The following SGSM2 variants were observed in gnomAD, a reference collection of about 807,000 sequenced individuals.
The protein encoded by SGSM2 is RUN and TBC1 domain containing 1.
A neutral mutation model predicts 126.6 loss-of-function variants in SGSM2; 89 were observed. The ratio of observed to expected loss-of-function variants is 0.70; its 90% CI spans 0.59 to 0.84. SGSM2 has a LOEUF of 0.84. Ranked by LOEUF, SGSM2 falls within the 40% of genes least tolerant of loss-of-function variation. The pLI, the probability that SGSM2 is intolerant of heterozygous loss-of-function variation, is 0.00. For missense variants in SGSM2, 1,404 were observed against 1,416.6 expected (o/e 0.99, Z 0.14); for synonymous variants, 614 against 574.3 (o/e 1.07, Z -0.99).
intron 1 of SGSM2, among the ~76,000 whole-genome samples, chr17:2,339,007 C>T (rs748324032): frequency 2.7e-5 from 4 of 150,206 alleles, no homozygotes; most frequent in South Asian, 2.1e-4. Context: ...TGCAGTGAGC[C>T]GATATTGTGC....
Position 2,365,350 on chromosome 17 carries a change from C to A in SGSM2, c.1288+9C>A. 2 of 1,534,372 alleles carry A rather than the reference C, an allele frequency of 1.3e-6. No individual in the cohort carries two copies. Among genetic ancestry groups the A allele is most frequent in the South Asian group, 1.2e-5 (1 of 82,312 alleles). On this transcript the variant is annotated intron_variant, in intron 11 of 23. Coordinates refer to ENST00000268989, the MANE Select transcript of SGSM2 (RefSeq NM_014853.3). ...CCACAGGCACGAGCACAGTGAGTGT[C>A]CCGAGCTTCATCCCGGGGGAGGAGA...
rs1434907938 is a variant in SGSM2, at chr17:2,368,258, A to G, written c.1423+853A>G. On this transcript the variant is annotated intron_variant, in intron 12 of 23. Coordinates refer to ENST00000268989, the MANE Select transcript of SGSM2 (RefSeq NM_014853.3). ...GCCTACCACCCATCTTTCCTAGCAC[A>G]GAGCTGGCTTGGTAGAGAGGGAGCC... Among the ~76,000 whole-genome samples, 3 of 152,134 alleles carry G rather than the reference A, an allele frequency of 2.0e-5. No homozygotes were observed. In the East Asian group the frequency reaches 5.8e-4, roughly 29 times the overall value.
chr17:2,337,547 C>T lies in SGSM2; in HGVS notation c.-142C>T. 1 of 288,206 alleles carries T rather than the reference C, an allele frequency of 3.5e-6. No individual in the cohort carries two copies. The highest frequency in any genetic ancestry group is 5.4e-6 in the Non-Finnish European group (1 of 185,100). 17.9% of individuals were successfully genotyped at this position (288,206 alleles called of 1,614,324 possible). ...TGCGGAGCCGAGCACCGGGCAGTGG[C>T]TGCGGCGGCGGCGGCGGCGGCGGGC... On this transcript the variant is annotated 5_prime_UTR_variant, in exon 1 of 24. Transcript: ENST00000268989. The surrounding 1 kb of genome is among the most constrained non-coding windows in gnomAD (Gnocchi z 5.1).
Position 2,380,338 on chromosome 17 carries a change from T to C in SGSM2, c.*818T>C. 6.5e-7 allele frequency: 1 copy of C among 1,528,814 alleles called. No homozygotes were observed. Among genetic ancestry groups the C allele is most frequent in the Non-Finnish European group, 8.8e-7 (1 of 1,140,520 alleles). The allele number at this position is 1,528,814 out of a possible 1,614,324, so 94.7% of individuals were successfully genotyped here. A position where few individuals can be genotyped will look rare whatever the true frequency, so the allele number is the denominator to read the frequency against. On this transcript the variant is annotated 3_prime_UTR_variant, in exon 24 of 24. Transcript: ENST00000268989. ...TGATCTGGAATGCGACCGGAGCACT[T>C]GCTCTGAGGAATCCCAGGGTGACTC...
chr17:2,377,483 C>CAAAAA, intron 21 of SGSM2: 1 of 111,092 alleles, frequency 9.0e-6, no homozygotes, highest in Non-Finnish European at 1.8e-5. Context: ...GACTCTGTCT[C>CAAAAA]AAAAAAAAAA....
At chr17:2,353,947 C>T (rs1055030410) in intron 2 of SGSM2, among the ~76,000 whole-genome samples, 1 of 152,072 alleles carries the variant, frequency 6.6e-6, no homozygotes, top group African/African-American at 2.4e-5. Context: ...TTCATTCTGT[C>T]ACCCAGGCTG....
Position 2,380,904 on chromosome 17 carries a change from C to T in SGSM2, c.*1384C>T, listed in dbSNP as rs1394030123. ...CCACCCCATTGTCCATCCTTGTTGT[C>T]CGTGAGTCCTTGGCCTCCACCAAGC... On this transcript the variant is annotated 3_prime_UTR_variant, in exon 24 of 24. Transcript: ENST00000268989. The T allele has an allele frequency of 6.4e-6, 1 of 157,284 alleles. No homozygotes were observed. Among genetic ancestry groups the T allele is most frequent in the African/African-American group, 2.4e-5 (1 of 41,500 alleles). 9.7% of individuals were successfully genotyped at this position (157,284 alleles called of 1,614,324 possible).
intron 1 of SGSM2, among the ~76,000 whole-genome samples, chr17:2,341,141 T>C (rs953830670): frequency 6.6e-6 from 1 of 152,036 alleles, no homozygotes; most frequent in Non-Finnish European, 1.5e-5. Flanking sequence ...TGTTTGTTTT[T>C]TTGAGATAGA....
chr17:2,355,433 A>C (rs77174561), intron 2 of SGSM2, among the ~76,000 whole-genome samples: 35 of 5,670 alleles, frequency 6.2e-3, no homozygotes, highest in Admixed American at 0.016. Context: ...GGGGTGTAAG[A>C]GTTGGGGGAA....
At chr17:2,338,367 C>A (rs2064183895) in intron 1 of SGSM2, among the ~76,000 whole-genome samples, 1 of 152,176 alleles carries the variant, frequency 6.6e-6, no homozygotes, top group Non-Finnish European at 1.5e-5. Flanking sequence ...CCCCCTACTT[C>A]AGAAAGAGAA....
At chr17:2,340,681 T>C (rs1429330881) in intron 1 of SGSM2, among the ~76,000 whole-genome samples, 4 of 151,868 alleles carry the variant, frequency 2.6e-5, no homozygotes, top group Non-Finnish European at 4.4e-5. Context: ...GCCTCCCGGG[T>C]TCACGCCTTT....
At chr17:2,357,079 T>G in intron 2 of SGSM2, among the ~76,000 whole-genome samples, 1 of 152,070 alleles carries the variant, frequency 6.6e-6, no homozygotes, top group South Asian at 2.1e-4. Context: ...GTGTAGCATT[T>G]GTTAGGCTGC....
At chr17:2,350,317 G>A (rs752398761) in intron 2 of SGSM2, among the ~76,000 whole-genome samples, 9 of 151,748 alleles carry the variant, frequency 5.9e-5, no homozygotes, top group Non-Finnish European at 1.0e-4. Context: ...TCTTTGAAAA[G>A]GTGCAAGGGA....
chr17:2,347,644 CT>C (rs751104634), intron 2 of SGSM2, among the ~76,000 whole-genome samples: 196 of 140,346 alleles, frequency 1.4e-3, no homozygotes, highest in Admixed American at 1.4e-3. Flanking sequence ...TTTGTTTTTT[CT>C]TTTTTTTTTT....
Position 2,379,558 on chromosome 17 carries a change from C to T in SGSM2, c.*38C>T. 1 of 1,595,714 alleles carries T rather than the reference C, an allele frequency of 6.3e-7. No individual in the cohort carries two copies. Among genetic ancestry groups the T allele is most frequent in the Non-Finnish European group, 8.6e-7 (1 of 1,167,590 alleles). On this transcript the variant is annotated 3_prime_UTR_variant, in exon 24 of 24. Coordinates refer to ENST00000268989, the MANE Select transcript of SGSM2 (RefSeq NM_014853.3). Reference sequence around the variant, plus strand: ...AGGCAGCAGCCGTGCAGAGCCTGGGCTCCGGCAGGGAGAGGTGCAGGGGAG... The same window carrying T: ...AGGCAGCAGCCGTGCAGAGCCTGGGTTCCGGCAGGGAGAGGTGCAGGGGAG...
intron 2 of SGSM2, among the ~76,000 whole-genome samples, chr17:2,349,407 A>G (rs988038599): frequency 2.6e-5 from 4 of 151,774 alleles, no homozygotes; most frequent in Non-Finnish European, 5.9e-5. Context: ...CCTTTCCTAT[A>G]AAGCCTCCTC....
In SGSM2 at chr17:2,375,513, C is replaced by T; in HGVS notation, c.2122C>T (p.Leu708=). ...SNDVFISVDD[L]EPPEPQDPED... ...CCAGGTGTTTATCTCAGTGGATGATCTGGAACCCCCGGAGCCCCAGGACCC... is the reference window on the plus strand; with the variant it reads ...CCAGGTGTTTATCTCAGTGGATGATTTGGAACCCCCGGAGCCCCAGGACCC... Residue 708 remains leucine (L), a synonymous_variant, in exon 18 of 24, where the codon CTG becomes TTG. Coordinates refer to ENST00000268989, the MANE Select transcript of SGSM2 (RefSeq NM_014853.3). 6.2e-7 allele frequency: 1 copy of T among 1,610,874 alleles called. No individual in the cohort carries two copies.
chr17:2,375,849 G>C lies in SGSM2; in HGVS notation c.2458G>C (p.Ala820Pro), dbSNP rs563979526. The change falls in exon 18 of 24, where the codon GCG becomes CCG. Residue 820 changes from alanine (A) to proline (P), a missense_variant. Physicochemically the swap from Ala to Pro is conservative, Grantham distance 27. Transcript: ENST00000268989. ...AGAACTGGAGGCCGGAGAGGAGCTTGCGGCTGTGTGTGCGGCTGCCTACAC... is the reference window on the plus strand; with the variant it reads ...AGAACTGGAGGCCGGAGAGGAGCTTCCGGCTGTGTGTGCGGCTGCCTACAC... The part of the protein sequence containing the change: ...AGELEAGEEL[A>P]AVCAAAYTIE... The C allele has an allele frequency of 1.3e-6, 2 of 1,529,794 alleles. No individual in the cohort carries two copies. Among genetic ancestry groups the C allele is most frequent in the Non-Finnish European group, 1.7e-6 (2 of 1,143,792 alleles). The allele number at this position is 1,529,794 out of a possible 1,614,324, so 94.8% of individuals were successfully genotyped here.
chr17:2,338,536 C>G (rs1567792000), intron 1 of SGSM2, among the ~76,000 whole-genome samples: 1 of 152,046 alleles, frequency 6.6e-6, no homozygotes, highest in Non-Finnish European at 1.5e-5. Context: ...GGCCTCCTTC[C>G]CCTGCCTGCC....
Sources: allele counts gnomAD v4.1 joint callset (sites outside exome capture counted in the v4.1 genomes callset), GRCh38; gene constraint gnomAD v4.1.1; non-coding constraint Gnocchi (gnomAD v3.1); transcripts MANE v1.5; gene names NCBI Gene and HGNC (gene_info 2026-07-23, HGNC 2026-07-21).